ASIC2: variants seen among roughly 807,000 people sequenced by gnomAD.
ASIC2 encodes acid-sensing ion channel 2.
In ASIC2, 25 loss-of-function variants were observed where a neutral mutation model predicts 57.3. That is an observed-to-expected ratio of 0.44 (90% confidence interval 0.32 to 0.61). ASIC2 has a LOEUF of 0.61. Ranked by LOEUF, ASIC2 falls within the 20% of genes least tolerant of loss-of-function variation. The probability of loss-of-function intolerance (pLI) is 0.06; values close to 1 mark genes in which losing one functional copy is unlikely to be tolerated. For missense variants in ASIC2, 641 were observed against 738.1 expected, an observed-to-expected ratio of 0.87 and a Z score of 1.52; for synonymous variants, 319 against 307.5, an observed-to-expected ratio of 1.04 and a Z score of -0.39.
chr17:33,676,824 A>T (rs1907837615), intron 1 of ASIC2, among the ~76,000 whole-genome samples: 1 of 152,146 alleles, frequency 6.6e-6, no homozygotes, highest in African/African-American at 2.4e-5. Flanking sequence ...TCCCACGTTG[A>T]GTTGTCCCTC....
chr17:33,588,696 G>T (rs573205923), intron 1 of ASIC2, among the ~76,000 whole-genome samples: 9 of 152,308 alleles, frequency 5.9e-5, no homozygotes, highest in Non-Finnish European at 1.2e-4. Flanking sequence ...GCTCATTTCA[G>T]TCCAAGGCAG....
At chr17:33,544,641 G>A (rs920231032) in intron 1 of ASIC2, among the ~76,000 whole-genome samples, 4 of 152,074 alleles carry the variant, frequency 2.6e-5, no homozygotes, top group South Asian at 2.1e-4. Flanking sequence ...TTTAAGATGC[G>A]CCATTATTTT....
chr17:33,996,702 T>C (rs570384280), intron 1 of ASIC2, among the ~76,000 whole-genome samples: 8 of 152,372 alleles, frequency 5.3e-5, no homozygotes, highest in Admixed American at 6.5e-5. Context: ...TCTATTCTGT[T>C]ACATTGGTTT....
chr17:33,859,774 T>C (rs1914057724), intron 1 of ASIC2, among the ~76,000 whole-genome samples: 1 of 152,146 alleles, frequency 6.6e-6, no homozygotes, highest in African/African-American at 2.4e-5. Context: ...AGTCTTGAAC[T>C]CCTGGGCTCA....
At chr17:33,749,464 C>G (rs1358133274) in intron 1 of ASIC2, among the ~76,000 whole-genome samples, 1 of 152,082 alleles carries the variant, frequency 6.6e-6, no homozygotes, top group East Asian at 1.9e-4. Flanking sequence ...TTCCTCTCCT[C>G]TACTCCTGTG....
chr17:33,287,373 C>T (rs1465187902), intron 1 of ASIC2, among the ~76,000 whole-genome samples: 1 of 152,204 alleles, frequency 6.6e-6, no homozygotes, highest in African/African-American at 2.4e-5. Flanking sequence ...TCAGATTGGC[C>T]TCTGTTGGTT....
chr17:33,154,712 A>C (rs1904930651), intron 1 of ASIC2, among the ~76,000 whole-genome samples: 1 of 152,234 alleles, frequency 6.6e-6, no homozygotes, highest in Non-Finnish European at 1.5e-5. Context: ...GAGGCAGAGA[A>C]GAGCAGTTGC....
chr17:33,184,264 A>G (rs192750552), intron 1 of ASIC2, among the ~76,000 whole-genome samples: 139 of 152,332 alleles, frequency 9.1e-4, no homozygotes, highest in Middle Eastern at 3.4e-3. Flanking sequence ...CATTATGTTA[A>G]CACTGAAGAA....
At chr17:33,451,271 G>T (rs1287438039) in intron 1 of ASIC2, among the ~76,000 whole-genome samples, 1 of 152,050 alleles carries the variant, frequency 6.6e-6, no homozygotes, top group Non-Finnish European at 1.5e-5. Context: ...GCCCAGGCTG[G>T]TCTCTAACTC....
intron 1 of ASIC2, among the ~76,000 whole-genome samples, chr17:33,531,456 C>G (rs545767334): frequency 6.6e-6 from 1 of 152,184 alleles, no homozygotes; most frequent in Non-Finnish European, 1.5e-5. Context: ...GAGAGGCGTT[C>G]GACCTTGCAG....
chr17:33,335,756 G>A (rs1247934541), intron 1 of ASIC2, among the ~76,000 whole-genome samples: 1 of 152,180 alleles, frequency 6.6e-6, no homozygotes, highest in African/African-American at 2.4e-5. Flanking sequence ...GAGGATGTCC[G>A]AGGTCAGAAT....
chr17:33,578,729 G>C (rs1916732775), intron 1 of ASIC2, among the ~76,000 whole-genome samples: 1 of 152,160 alleles, frequency 6.6e-6, no homozygotes, highest in Non-Finnish European at 1.5e-5. Context: ...CTTGACAGAG[G>C]GGGCACTAAT....
Position 34,122,428 on chromosome 17 carries a change from G to A in ASIC2, c.555+33550C>T, listed in dbSNP as rs955376941. Among the ~76,000 whole-genome samples the A allele has an allele frequency of 9.2e-5, 14 of 152,182 alleles. No individual in the cohort carries two copies. In the East Asian group the frequency reaches 9.6e-4, roughly 10 times the overall value. ...TTAAAAGTTATTCCCTGTGGTTCAC[G>A]GTTCATCGGAATGCAAATGGAGACC... On this transcript the variant is annotated intron_variant, in intron 1 of 9. Transcript: ENST00000359872.
chr17:33,902,150 G>A (rs554119337), intron 1 of ASIC2, among the ~76,000 whole-genome samples: 1 of 152,230 alleles, frequency 6.6e-6, no homozygotes, highest in East Asian at 1.9e-4. Context: ...CCTGGGAGAG[G>A]TAAGGAGGAT....
At chr17:33,158,494 G>A (rs1905073662) in intron 1 of ASIC2, among the ~76,000 whole-genome samples, 1 of 152,186 alleles carries the variant, frequency 6.6e-6, no homozygotes, top group Non-Finnish European at 1.5e-5. Context: ...CTGGTCTGTG[G>A]ATCGCTGTGA....
intron 1 of ASIC2, among the ~76,000 whole-genome samples, chr17:33,993,711 C>T (rs926983826): frequency 6.6e-6 from 1 of 150,464 alleles, no homozygotes; most frequent in African/African-American, 2.5e-5. Context: ...GTATCATGTA[C>T]TGGAAGTGGG....
At chr17:33,847,736 A>AG (rs1913650638) in intron 1 of ASIC2, among the ~76,000 whole-genome samples, 1 of 152,364 alleles carries the variant, frequency 6.6e-6, no homozygotes, top group African/African-American at 2.4e-5. Flanking sequence ...AGGAAGAGGC[A>AG]GATGAGCAAA....
intron 1 of ASIC2, among the ~76,000 whole-genome samples, chr17:33,942,006 G>A (rs556358580): frequency 1.3e-5 from 2 of 152,278 alleles, no homozygotes; most frequent in Admixed American, 6.5e-5. Flanking sequence ...TAGAATATAC[G>A]TGTACCGGGA....
chr17:33,393,489 C>T (rs1046640165), intron 1 of ASIC2, among the ~76,000 whole-genome samples: 1 of 152,242 alleles, frequency 6.6e-6, no homozygotes, highest in African/African-American at 2.4e-5. Context: ...TAGCAACTTT[C>T]CTCATCCAGT....
Sources: allele counts gnomAD v4.1 joint callset (sites outside exome capture counted in the v4.1 genomes callset), GRCh38; gene constraint gnomAD v4.1.1; transcripts MANE v1.5; gene names NCBI Gene and HGNC (gene_info 2026-07-23, HGNC 2026-07-21).